ADGRB3: variants seen among roughly 807,000 people sequenced by gnomAD.
ADGRB3 encodes the protein brain-specific angiogenesis inhibitor 3.
ADGRB3 carries 37 observed loss-of-function variants against 193.4 expected under a neutral mutation model. The observed-to-expected ratio is 0.19, with a 90% CI of 0.15 to 0.25. The LOEUF (loss-of-function observed/expected upper bound fraction) is 0.25, where lower values mean the gene tolerates loss of function less well. Ranked by LOEUF, ADGRB3 falls within the 10% of genes least tolerant of loss-of-function variation. ADGRB3 has a pLI of 1.00. For missense variants in ADGRB3, 1,637 were observed against 1,852.9 expected (o/e 0.88, Z 2.14); for synonymous variants, 690 against 644.2 (o/e 1.07, Z -1.08).
rs534560541 is a variant in ADGRB3 at position 69,044,196 on chromosome 6, A to G, written c.2108-3989A>G. Among the ~76,000 whole-genome samples the G allele has an allele frequency of 6.6e-5, 10 of 152,326 alleles. No homozygotes were observed. The East Asian group carries it at 1.3e-3, about 21-fold the overall frequency. On this transcript the variant is annotated intron_variant, in intron 13 of 31. Transcript: ENST00000370598. ...AGCTACTCTAGTGACCACTGTTCTT[A>G]TATTTTGGTCTTTGTCCAATTTGCT...
chr6:68,654,844 TC>T (rs1768454231), intron 3 of ADGRB3, among the ~76,000 whole-genome samples: 1 of 151,842 alleles, frequency 6.6e-6, no homozygotes, highest in Non-Finnish European at 1.5e-5. Flanking sequence ...GTTTGAAAAT[TC>T]ACATGAAGTC....
intron 17 of ADGRB3, among the ~76,000 whole-genome samples, chr6:69,200,074 T>C (rs1334072275): frequency 1.3e-5 from 2 of 152,096 alleles, no homozygotes; most frequent in East Asian, 3.9e-4. Context: ...CTTGATGTCA[T>C]TGGTTTTCTG....
chr6:69,322,712 G>T (rs922858509), intron 20 of ADGRB3, among the ~76,000 whole-genome samples: 13 of 151,778 alleles, frequency 8.6e-5, no homozygotes, highest in Admixed American at 3.9e-4. Context: ...TATTTTTCAA[G>T]ATCATAGTTT....
chr6:69,369,721 G>A (rs973148930), intron 29 of ADGRB3, among the ~76,000 whole-genome samples: 7 of 151,030 alleles, frequency 4.6e-5, no homozygotes, highest in Non-Finnish European at 8.9e-5. Flanking sequence ...AAAAGAGAGA[G>A]CGAGTCATGT....
intron 11 of ADGRB3, among the ~76,000 whole-genome samples, chr6:69,006,596 C>T (rs1269752322): frequency 6.6e-6 from 1 of 151,220 alleles, no homozygotes; most frequent in African/African-American, 2.4e-5. Context: ...ACCTATGCTT[C>T]CTGAGTTCAC....
intron 3 of ADGRB3, among the ~76,000 whole-genome samples, chr6:68,892,858 C>CA (rs992228101): frequency 3.3e-5 from 5 of 151,832 alleles, no homozygotes; most frequent in Non-Finnish European, 7.4e-5. Flanking sequence ...TTGAAAGATG[C>CA]AATTTGGATA....
chr6:68,820,376 C>T (rs182980334), intron 3 of ADGRB3, among the ~76,000 whole-genome samples: 11 of 151,738 alleles, frequency 7.2e-5, no homozygotes, highest in Non-Finnish European at 1.5e-4. Context: ...TAGACATATA[C>T]GTATATGTAT....
rs550336906 is a variant in ADGRB3, at chr6:68,738,689, G to A, written c.757+99257G>A. Among the ~76,000 whole-genome samples the A allele has an allele frequency of 2.5e-3, 373 of 152,200 alleles. 3 individuals carry two copies. Among genetic ancestry groups the A allele is most frequent in the Non-Finnish European group, 2.0e-3 (136 of 67,992 alleles). The stretch of plus-strand genomic sequence containing the variant: ...TTTTGGCATGAGCAATTTTAAGAAT[G>A]GAGTTATTTTCTGAGATGAGGAAAA... On this transcript the variant is annotated intron_variant, in intron 3 of 31. Coordinates refer to ENST00000370598, the MANE Select transcript of ADGRB3 (RefSeq NM_001704.3).
intron 24 of ADGRB3, among the ~76,000 whole-genome samples, chr6:69,336,450 A>G (rs1413982651): frequency 1.3e-5 from 2 of 151,436 alleles, no homozygotes; most frequent in Non-Finnish European, 1.5e-5. Context: ...TTTCCTTTCC[A>G]GGGAATATTT....
At chr6:69,310,859 T>C (rs1468521260) in intron 20 of ADGRB3, among the ~76,000 whole-genome samples, 2 of 151,688 alleles carry the variant, frequency 1.3e-5, no homozygotes, top group Non-Finnish European at 1.5e-5. Context: ...TTCCAATAGA[T>C]AAATATCTTC....
chr6:68,758,986 T>TA (rs1372513870), intron 3 of ADGRB3, among the ~76,000 whole-genome samples: 2 of 152,134 alleles, frequency 1.3e-5, no homozygotes, highest in Admixed American at 1.3e-4. Context: ...CAAGAGCACT[T>TA]ACATTTAGCA....
At chr6:69,046,071 T>C (rs1771228652) in intron 13 of ADGRB3, among the ~76,000 whole-genome samples, 1 of 152,204 alleles carries the variant, frequency 6.6e-6, no homozygotes, top group Non-Finnish European at 1.5e-5. Context: ...AGTAAAGTGA[T>C]GTATGGTTCA....
chr6:69,255,564 G>C (rs967481106), intron 20 of ADGRB3, among the ~76,000 whole-genome samples: 6 of 152,020 alleles, frequency 3.9e-5, no homozygotes, highest in Non-Finnish European at 7.4e-5. Flanking sequence ...TTTTTTTCTT[G>C]TAAATTTGTT....
chr6:69,204,720 C>T (rs1226632136), intron 17 of ADGRB3, among the ~76,000 whole-genome samples: 3 of 152,150 alleles, frequency 2.0e-5, no homozygotes, highest in Admixed American at 6.5e-5. Flanking sequence ...AAAGAATCAT[C>T]TCCTATTGCC....
intron 16 of ADGRB3, among the ~76,000 whole-genome samples, chr6:69,066,294 T>C (rs485864): frequency 0.49 from 74,922 of 151,370 alleles, 20,642 homozygotes; most frequent in East Asian, 0.96. Context: ...CTACTTTCAC[T>C]TATTTTCTTA....
intron 26 of ADGRB3, 95 bp from the exon 27 acceptor site, chr6:69,354,138 A>T: frequency 1.3e-6 from 1 of 796,948 alleles, no homozygotes; most frequent in Non-Finnish European, 2.2e-6. Context: ...TAGTAAAATC[A>T]GTGATAACCA....
intron 26 of ADGRB3, among the ~76,000 whole-genome samples, chr6:69,348,028 T>C (rs755211063): frequency 3.3e-5 from 5 of 152,182 alleles, no homozygotes; most frequent in Non-Finnish European, 7.3e-5. Context: ...TAAATTCTAA[T>C]TCTCCTTCCA....
At chr6:69,327,764 C>A in intron 21 of ADGRB3, 56 bp from the exon 22 acceptor site, 2 of 1,473,632 alleles carry the variant, frequency 1.4e-6, no homozygotes, top group Admixed American at 3.6e-5. Flanking sequence ...TTTCTTAGAC[C>A]AGTATGCATA....
At chr6:68,812,631 T>G (rs1270437579) in intron 3 of ADGRB3, among the ~76,000 whole-genome samples, 1 of 152,184 alleles carries the variant, frequency 6.6e-6, no homozygotes, top group African/African-American at 2.4e-5. Flanking sequence ...TAACTGTGAA[T>G]GTTGCTTCTA....
Sources: gnomAD v4.1 joint callset for allele counts (sites outside exome capture counted in the v4.1 genomes callset) on GRCh38, gnomAD v4.1.1 for gene constraint, MANE v1.5 for transcripts, NCBI Gene and HGNC (gene_info 2026-07-23, HGNC 2026-07-21) for gene names.